POLN: variants seen among roughly 807,000 people sequenced by gnomAD.
The protein encoded by POLN is DNA polymerase nu.
In POLN, 108 loss-of-function variants were observed where a neutral mutation model predicts 113.5. The ratio of observed to expected loss-of-function variants is 0.95; its 90% CI spans 0.81 to 1.12. The LOEUF is 1.12. POLN is among the 50% of genes most tolerant of loss of function. The probability of loss-of-function intolerance (pLI) is 0.00; values close to 1 mark genes in which losing one functional copy is unlikely to be tolerated. For synonymous variants in POLN, 386 were observed against 391.5 expected (o/e 0.99, Z 0.17); for missense variants, 1,097 against 1,077.1 (o/e 1.02, Z -0.26).
At chr4:2,221,078 G>A (rs940641023) in intron 3 of POLN, among the ~76,000 whole-genome samples, 37 of 152,112 alleles carry the variant, frequency 2.4e-4, no homozygotes, top group African/African-American at 6.3e-4. Context: ...CGCTCAGGGT[G>A]GGGCCATTTC....
At chr4:2,235,403 C>G (rs776807179) in intron 2 of POLN, among the ~76,000 whole-genome samples, 1 of 152,160 alleles carries the variant, frequency 6.6e-6, no homozygotes, top group Non-Finnish European at 1.5e-5. Context: ...TGTGGAGAAA[C>G]TGGAATTGTG....
rs1026571630 is a variant in POLN, at chr4:2,242,068, G to A, written c.-301C>T. ...TCAGTCACCTCAGGAAGTTCCGCTT[G>A]CTTCTCGCAGGAGCCCGCCGCCACC... is the stretch of plus-strand genomic sequence containing the variant. On this transcript the variant is annotated 5_prime_UTR_variant, in exon 1 of 26. Coordinates refer to ENST00000511885, the MANE Select transcript of POLN (RefSeq NM_181808.4). The A allele has an allele frequency of 3.0e-6, 3 of 985,770 alleles. No homozygotes were observed. The highest frequency in any genetic ancestry group is 5.2e-4 in the Middle Eastern group (1 of 1,918). 61.1% of individuals were successfully genotyped at this position (985,770 alleles called of 1,614,324 possible). A position where few individuals can be genotyped will look rare whatever the true frequency, so the allele number is the denominator to read the frequency against.
chr4:2,231,843 T>A, intron 2 of POLN: 1 of 650,654 alleles, frequency 1.5e-6, no homozygotes, highest in South Asian at 1.9e-5. Context: ...ACCTCAAATT[T>A]TAAAAATTTA....
intron 20 of POLN, chr4:2,089,439 G>A: frequency 2.1e-6 from 3 of 1,411,172 alleles, no homozygotes; most frequent in Non-Finnish European, 2.9e-6. Flanking sequence ...ACAAAGTAAA[G>A]CACTGGCTTA....
chr4:2,123,495 C>T (rs551190148), intron 19 of POLN, among the ~76,000 whole-genome samples: 6 of 151,300 alleles, frequency 4.0e-5, no homozygotes, highest in East Asian at 1.9e-4. Flanking sequence ...GTGGTAGTGG[C>T]GCATACCTGT....
chr4:2,209,192 T>G (rs542377790), intron 4 of POLN, among the ~76,000 whole-genome samples: 17 of 151,782 alleles, frequency 1.1e-4, no homozygotes, highest in Non-Finnish European at 1.9e-4. Flanking sequence ...ACTGAAAAAA[T>G]GTTTTTGGGC....
At chr4:2,217,824 G>A (rs973045667) in intron 3 of POLN, among the ~76,000 whole-genome samples, 3 of 152,126 alleles carry the variant, frequency 2.0e-5, no homozygotes, top group Non-Finnish European at 2.9e-5. Context: ...TCACAGCCTA[G>A]GCCTCTTACA....
At chr4:2,157,825 C>T (rs772405167) in intron 15 of POLN, 33 bp downstream of exon 15, 16 of 1,518,804 alleles carry the variant, frequency 1.1e-5, no homozygotes, top group Admixed American at 3.4e-5. Flanking sequence ...AACCACAGTC[C>T]TAATCACAGT....
At chr4:2,080,218 C>G in intron 23 of POLN, 1 of 988,080 alleles carries the variant, frequency 1.0e-6, no homozygotes, top group Non-Finnish European at 1.2e-6. Flanking sequence ...TGCAGCACCC[C>G]CAGGCCTTGG....
intron 3 of POLN, among the ~76,000 whole-genome samples, chr4:2,220,383 C>G (rs985597955): frequency 1.3e-5 from 2 of 152,204 alleles, no homozygotes; most frequent in Non-Finnish European, 2.9e-5. Flanking sequence ...AGTCAATCCC[C>G]GTGGGCAGCT....
chr4:2,234,979 G>A (rs1186481359), intron 2 of POLN, among the ~76,000 whole-genome samples: 1 of 152,126 alleles, frequency 6.6e-6, no homozygotes, highest in African/African-American at 2.4e-5. Flanking sequence ...TTTGCCTCCC[G>A]GGTTCAAGGG....
chr4:2,096,720 G>C (rs1428975085), intron 19 of POLN, among the ~76,000 whole-genome samples: 1 of 147,576 alleles, frequency 6.8e-6, no homozygotes, highest in Admixed American at 6.7e-5. Flanking sequence ...GAGAGAGAGA[G>C]AGAGAGAGAG....
intron 20 of POLN, among the ~76,000 whole-genome samples, chr4:2,091,961 C>T (rs993779900): frequency 6.6e-6 from 1 of 152,120 alleles, no homozygotes. Flanking sequence ...CCTGTGGGAA[C>T]ATGGGCTGGT....
chr4:2,231,786 G>C lies in POLN; in HGVS notation c.-12-2543C>G, dbSNP rs1156895104. The C allele has an allele frequency of 7.2e-6, 4 of 558,906 alleles. No individual in the cohort carries two copies. In the East Asian group the frequency reaches 1.3e-4, roughly 18 times the overall value. The allele number at this position is 558,906 out of a possible 1,614,324, so 34.6% of individuals were successfully genotyped here. The stretch of plus-strand genomic sequence containing the variant: ...TCTGAATGTACTACATGAGAAAAAA[G>C]ACAAATTAATATAATAGTTCAATTC... On this transcript the variant is annotated intron_variant, in intron 2 of 25. Transcript: ENST00000511885.
intron 7 of POLN, among the ~76,000 whole-genome samples, chr4:2,191,681 T>C (rs1733444431): frequency 6.6e-6 from 1 of 152,136 alleles, no homozygotes. Context: ...GTTATTTTGC[T>C]TGGGGGTGGG....
chr4:2,100,613 A>G (rs1730899947), intron 19 of POLN, among the ~76,000 whole-genome samples: 1 of 152,198 alleles, frequency 6.6e-6, no homozygotes, highest in Admixed American at 6.5e-5. Context: ...AATACTTAAG[A>G]AAGCAATTCT....
chr4:2,208,752 G>A (rs1444902584), intron 4 of POLN, among the ~76,000 whole-genome samples: 1 of 152,222 alleles, frequency 6.6e-6, no homozygotes, highest in African/African-American at 2.4e-5. Context: ...CACTTTGGGA[G>A]GCCGAGGTGG....
intron 5 of POLN, among the ~76,000 whole-genome samples, chr4:2,203,921 C>T (rs1039039267): frequency 6.6e-6 from 1 of 151,738 alleles, no homozygotes; most frequent in Non-Finnish European, 1.5e-5. Context: ...ACCAGTCTGA[C>T]CAATATGGTG....
At chr4:2,080,110 G>T (rs910166242) in intron 23 of POLN, 33 of 985,546 alleles carry the variant, frequency 3.3e-5, no homozygotes, top group African/African-American at 2.8e-4. Context: ...CTGACACTGT[G>T]GGGGGCTGGG....
Sources: allele counts gnomAD v4.1 joint callset (sites outside exome capture counted in the v4.1 genomes callset), GRCh38; gene constraint gnomAD v4.1.1; transcripts MANE v1.5; gene names NCBI Gene and HGNC (gene_info 2026-07-23, HGNC 2026-07-21).